CADPS2: variants seen among roughly 807,000 people sequenced by gnomAD.
CADPS2 encodes calcium-dependent secretion activator 2.
CADPS2 carries 93 observed loss-of-function variants against 172.5 expected under a neutral mutation model. The ratio of observed to expected loss-of-function variants is 0.54; its 90% CI spans 0.46 to 0.64. The LOEUF is 0.64. Among genes scored for constraint, CADPS2 ranks in the 30% least tolerant of loss-of-function variants. CADPS2 has a pLI of 0.00. For missense variants in CADPS2, 1,420 were observed against 1,565.9 expected, an observed-to-expected ratio of 0.91 and a Z score of 1.57; for synonymous variants, 546 against 555.2, an observed-to-expected ratio of 0.98 and a Z score of 0.23.
chr7:122,455,984 A>G (rs971717068), intron 14 of CADPS2, among the ~76,000 whole-genome samples: 5 of 152,074 alleles, frequency 3.3e-5, no homozygotes, highest in Non-Finnish European at 7.4e-5. Flanking sequence ...ATTACAGGAA[A>G]GAGCCACCAT....
At chr7:122,615,645 GA>G (rs1416446771) in intron 5 of CADPS2, among the ~76,000 whole-genome samples, 1 of 151,938 alleles carries the variant, frequency 6.6e-6, no homozygotes, top group Non-Finnish European at 1.5e-5. Context: ...AATCACAAAT[GA>G]AAATTCAGTG....
rs566765100 is a variant in CADPS2, at chr7:122,562,943, AT to A, written c.1336-8255del. Reference sequence around the variant, plus strand: ...TTTGGTTACCAGAATGAAGACCATTATGTTTATATTACTAACAAAGTTCAAG... The same window carrying A: ...TTTGGTTACCAGAATGAAGACCATTAGTTTATATTACTAACAAAGTTCAAG... On this transcript the variant is annotated intron_variant, in intron 7 of 29. Coordinates refer to ENST00000449022, the MANE Select transcript of CADPS2 (RefSeq NM_017954.11). 4.1e-3 allele frequency among the ~76,000 whole-genome samples: 619 copies of A among 152,306 alleles called. 5 individuals carry two copies. Among genetic ancestry groups the A allele is most frequent in the African/African-American group, 0.014 (592 of 41,578 alleles).
chr7:122,643,106 C>G (rs1362541017), intron 3 of CADPS2, among the ~76,000 whole-genome samples: 1 of 152,110 alleles, frequency 6.6e-6, no homozygotes, highest in African/African-American at 2.4e-5. Flanking sequence ...ATAATCAGCA[C>G]AAACCTAATG....
intron 27 of CADPS2, among the ~76,000 whole-genome samples, chr7:122,358,388 T>C (rs1170861495): frequency 4.6e-5 from 7 of 152,140 alleles, no homozygotes; most frequent in African/African-American, 1.7e-4. Context: ...AGATATGTGT[T>C]TTGTAAATAG....
intron 1 of CADPS2, among the ~76,000 whole-genome samples, chr7:122,798,028 G>C (rs1279666669): frequency 6.7e-6 from 1 of 149,498 alleles, no homozygotes; most frequent in Non-Finnish European, 1.5e-5. Flanking sequence ...ATATATCAAG[G>C]AGTAAAACTG....
chr7:122,741,417 C>G (rs1022701562), intron 1 of CADPS2, among the ~76,000 whole-genome samples: 1 of 152,020 alleles, frequency 6.6e-6, no homozygotes, highest in African/African-American at 2.4e-5. Flanking sequence ...GTGAAACAAC[C>G]CTTAAAATAA....
At chr7:122,416,003 C>T (rs1400344095) in intron 18 of CADPS2, 58 bp downstream of exon 18, 1 of 1,108,482 alleles carries the variant, frequency 9.0e-7, no homozygotes, top group African/African-American at 1.5e-5. Context: ...TCAGTGTAGC[C>T]ACAACCATGG....
At chr7:122,702,238 G>A in intron 2 of CADPS2, 1 of 1,613,800 alleles carries the variant, frequency 6.2e-7, no homozygotes. Flanking sequence ...CTGTCACATA[G>A]ACTCCTTTCT....
intron 22 of CADPS2, 97 bp downstream of exon 22, chr7:122,393,099 T>C (rs1585563155): frequency 7.3e-7 from 1 of 1,362,764 alleles, no homozygotes; most frequent in Non-Finnish European, 9.7e-7. Context: ...CAACCAACGA[T>C]GACAAATGCC....
At chr7:122,565,897 C>T (rs936665204) in intron 7 of CADPS2, among the ~76,000 whole-genome samples, 6 of 152,144 alleles carry the variant, frequency 3.9e-5, no homozygotes, top group Admixed American at 1.3e-4. Context: ...TTCATCTTAA[C>T]GAAAACTTTG....
chr7:122,834,764 G>C (rs973581357), intron 1 of CADPS2, among the ~76,000 whole-genome samples: 8 of 152,150 alleles, frequency 5.3e-5, no homozygotes, highest in African/African-American at 1.4e-4. Flanking sequence ...GCTGAGGCTC[G>C]AGTAGGTAAA....
At chr7:122,705,687 A>T (rs1162164240) in intron 2 of CADPS2, among the ~76,000 whole-genome samples, 1 of 79,710 alleles carries the variant, frequency 1.3e-5, no homozygotes, top group Non-Finnish European at 2.2e-5. Context: ...ATAATATATC[A>T]CATATTATAT....
intron 3 of CADPS2, among the ~76,000 whole-genome samples, chr7:122,641,252 T>G (rs1160265967): frequency 6.6e-6 from 1 of 152,236 alleles, no homozygotes; most frequent in East Asian, 1.9e-4. Context: ...TTATCTGCAA[T>G]GCTTCTAGTT....
At position 122,438,420 on chromosome 7, in the gene CADPS2, C is replaced by T. The variant is rs188401140; in HGVS notation, c.2397G>A (p.Val799=). ...DIATPIPAEE[V]KKVVRKCLEK... ...CGAGACATTTTCTGACCACTTTCTT[C>T]ACCTCTTCTGCTGGTATGGGAGTGG... is the stretch of plus-strand genomic sequence containing the variant. Residue 799 remains valine (V), a synonymous_variant, in exon 17 of 30, where the codon GTG becomes GTA. Coordinates refer to ENST00000449022, the MANE Select transcript of CADPS2 (RefSeq NM_017954.11). 6.2e-7 allele frequency: 1 copy of T among 1,612,992 alleles called. No individual in the cohort carries two copies.
chr7:122,691,383 A>T (rs2084339979), intron 2 of CADPS2, among the ~76,000 whole-genome samples: 1 of 152,244 alleles, frequency 6.6e-6, no homozygotes, highest in Admixed American at 6.5e-5. Flanking sequence ...TGGCACTTCC[A>T]AGGTCTCCAT....
intron 3 of CADPS2, among the ~76,000 whole-genome samples, chr7:122,647,894 A>G (rs2192025): frequency 0.2 from 30,366 of 152,162 alleles, 3,434 homozygotes; most frequent in Middle Eastern, 0.32. Flanking sequence ...GAAGGAATTT[A>G]TTGAATATAT....
At position 122,663,317 on chromosome 7, in the gene CADPS2, T is replaced by G; in HGVS notation, c.706A>C (p.Lys236Gln). 6.2e-7 allele frequency: 1 copy of G among 1,613,954 alleles called. No individual in the cohort carries two copies. Among genetic ancestry groups the G allele is most frequent in the Non-Finnish European group, 8.5e-7 (1 of 1,179,872 alleles). ...LSAVSELILS[K>Q]EQLYEMFQQI... Reference sequence around the variant, plus strand: ...TGAAACATTTCATAGAGTTGTTCCTTGCTCAGAATAAGTTCAGACACTGCA... The same window carrying G: ...TGAAACATTTCATAGAGTTGTTCCTGGCTCAGAATAAGTTCAGACACTGCA... The change falls in exon 3 of 30, where the codon AAG (lysine) becomes CAG (glutamine). Residue 236 changes from lysine (K) to glutamine (Q), a missense_variant. By Grantham distance (53) the Lys-to-Gln change is moderately conservative. Coordinates refer to ENST00000449022, the MANE Select transcript of CADPS2 (RefSeq NM_017954.11).
chr7:122,796,370 T>C (rs1796372631), intron 1 of CADPS2, among the ~76,000 whole-genome samples: 1 of 152,186 alleles, frequency 6.6e-6, no homozygotes, highest in Non-Finnish European at 1.5e-5. Flanking sequence ...TTAAAATTCA[T>C]ATGGAACTAA....
intron 2 of CADPS2, among the ~76,000 whole-genome samples, chr7:122,726,179 A>G (rs1318002819): frequency 6.6e-6 from 1 of 151,830 alleles, no homozygotes; most frequent in Non-Finnish European, 1.5e-5. Flanking sequence ...TCAATGACAA[A>G]AATGAATATT....
Sources: gnomAD v4.1 joint callset for allele counts (sites outside exome capture counted in the v4.1 genomes callset) on GRCh38, gnomAD v4.1.1 for gene constraint, MANE v1.5 for transcripts, NCBI Gene and HGNC (gene_info 2026-07-23, HGNC 2026-07-21) for gene names.